The following SNTG1 variants were observed in gnomAD, a reference collection of about 807,000 sequenced individuals.
The protein encoded by SNTG1 is syntrophin gamma 1, also known as gamma-1-syntrophin.
SNTG1 carries 39 observed loss-of-function variants against 74.7 expected under a neutral mutation model. The ratio of observed to expected loss-of-function variants is 0.52; its 90% CI spans 0.40 to 0.68. The LOEUF (loss-of-function observed/expected upper bound fraction) is 0.68. Among genes scored for constraint, SNTG1 ranks in the 30% least tolerant of loss-of-function variants. SNTG1 has a pLI of 0.00. For missense variants in SNTG1, 685 were observed against 609.5 expected (o/e 1.12, Z -1.30); for synonymous variants, 254 against 217.1 (o/e 1.17, Z -1.49).
chr8:50,782,481 T>C (rs1339897344), intron 18 of SNTG1, among the ~76,000 whole-genome samples: 2 of 152,216 alleles, frequency 1.3e-5, no homozygotes, highest in East Asian at 1.9e-4. Context: ...ATACTCTTTC[T>C]TCCAGTTGAT....
chr8:50,019,258 T>G (rs1474134255), intron 1 of SNTG1, among the ~76,000 whole-genome samples: 1 of 152,114 alleles, frequency 6.6e-6, no homozygotes, highest in Non-Finnish European at 1.5e-5. Context: ...CAGAAAAATT[T>G]TCATTGTCTT....
At chr8:50,661,684 A>T (rs767836661) in intron 15 of SNTG1, among the ~76,000 whole-genome samples, 12 of 152,064 alleles carry the variant, frequency 7.9e-5, no homozygotes, top group Non-Finnish European at 1.6e-4. Context: ...TATTTGTCCT[A>T]ATGATGTCTC....
chr8:50,037,895 A>C (rs1479298061), intron 1 of SNTG1, among the ~76,000 whole-genome samples: 1 of 152,234 alleles, frequency 6.6e-6, no homozygotes, highest in Non-Finnish European at 1.5e-5. Flanking sequence ...AATGTTAGCC[A>C]TGAAAGGGAC....
chr8:50,571,955 C>T (rs182924241), intron 12 of SNTG1, among the ~76,000 whole-genome samples: 1 of 152,256 alleles, frequency 6.6e-6, no homozygotes, highest in East Asian at 1.9e-4. Flanking sequence ...CAGAGGTGGT[C>T]ACACACGTCA....
chr8:50,426,446 T>C (rs1185960007), intron 4 of SNTG1, among the ~76,000 whole-genome samples: 1 of 151,838 alleles, frequency 6.6e-6, no homozygotes, highest in Non-Finnish European at 1.5e-5. Flanking sequence ...AACAAAAACA[T>C]TTTAAAAATA....
At chr8:50,688,591 G>A (rs539735610) in intron 15 of SNTG1, among the ~76,000 whole-genome samples, 42 of 152,202 alleles carry the variant, frequency 2.8e-4, no homozygotes, top group African/African-American at 9.6e-4. Context: ...ATTTCTGAGG[G>A]CTCTGTTCTG....
At chr8:50,690,313 T>C (rs1179819678) in intron 15 of SNTG1, among the ~76,000 whole-genome samples, 1 of 152,186 alleles carries the variant, frequency 6.6e-6, no homozygotes. Context: ...TTGCTCTTGC[T>C]TCTCTAGTTC....
rs184389739 is a variant in SNTG1, at chr8:50,161,778, A to G, written c.-102-10783A>G. Among the ~76,000 whole-genome samples the G allele has an allele frequency of 1.7e-3, 265 of 152,346 alleles. 2 individuals are homozygous for G. The highest frequency in any genetic ancestry group is 6.0e-3 in the African/African-American group (249 of 41,582). ...CAGAAAAGAAAAAGAAAAAGAAAAAAAAAGTCACCCAATCAAAACATCCTG... is the reference window on the plus strand; with the variant it reads ...CAGAAAAGAAAAAGAAAAAGAAAAAGAAAGTCACCCAATCAAAACATCCTG... On this transcript the variant is annotated intron_variant, in intron 1 of 18. Coordinates refer to ENST00000642720, the MANE Select transcript of SNTG1 (RefSeq NM_018967.5).
intron 2 of SNTG1, among the ~76,000 whole-genome samples, chr8:50,263,698 A>C (rs1170791992): frequency 1.3e-5 from 2 of 152,240 alleles, no homozygotes; most frequent in Non-Finnish European, 2.9e-5. Flanking sequence ...CTTACAGAGG[A>C]AACACATAAA....
intron 15 of SNTG1, among the ~76,000 whole-genome samples, chr8:50,660,414 GAAA>G (rs1448781102): frequency 2.7e-4 from 2 of 7,298 alleles, no homozygotes; most frequent in Non-Finnish European, 6.1e-4. Flanking sequence ...AGAAAGAAAA[GAAA>G]GAAAGAAAGA....
intron 15 of SNTG1, among the ~76,000 whole-genome samples, chr8:50,703,196 C>T (rs2095431995): frequency 6.6e-6 from 1 of 152,082 alleles, no homozygotes. Flanking sequence ...CAACTTTGGC[C>T]TTTTTTGTAG....
chr8:50,742,267 G>A (rs894378429), intron 17 of SNTG1, among the ~76,000 whole-genome samples: 8 of 151,898 alleles, frequency 5.3e-5, no homozygotes, highest in African/African-American at 7.2e-5. Context: ...TAGACCATGT[G>A]TTAAGACACA....
intron 1 of SNTG1, among the ~76,000 whole-genome samples, chr8:50,142,433 T>C (rs2081695822): frequency 1.3e-5 from 2 of 151,350 alleles, no homozygotes; most frequent in Admixed American, 1.3e-4. Flanking sequence ...AACATAAAAA[T>C]TTTGCTTTTT....
At chr8:50,230,026 T>A (rs992964641) in intron 2 of SNTG1, among the ~76,000 whole-genome samples, 5 of 151,466 alleles carry the variant, frequency 3.3e-5, no homozygotes, top group Admixed American at 3.3e-4. Flanking sequence ...AAAAATATTT[T>A]GACTTAAATG....
chr8:50,788,802 A>G (rs2131860982), intron 18 of SNTG1, among the ~76,000 whole-genome samples: 1 of 151,942 alleles, frequency 6.6e-6, no homozygotes, highest in African/African-American at 2.4e-5. Context: ...TACCAAATCT[A>G]CCCACCTTCC....
At chr8:50,607,345 T>A (rs2094820061) in intron 13 of SNTG1, among the ~76,000 whole-genome samples, 1 of 151,646 alleles carries the variant, frequency 6.6e-6, no homozygotes, top group Admixed American at 6.6e-5. Context: ...TCCTGGAATT[T>A]GATTTATATG....
intron 1 of SNTG1, among the ~76,000 whole-genome samples, chr8:50,138,218 T>C (rs1449406739): frequency 6.6e-6 from 1 of 151,874 alleles, no homozygotes; most frequent in East Asian, 1.9e-4. Context: ...AATTCACACA[T>C]ATGTTTTCCA....
chr8:50,266,864 G>T (rs1228257830), intron 2 of SNTG1, among the ~76,000 whole-genome samples: 1 of 151,912 alleles, frequency 6.6e-6, no homozygotes, highest in Non-Finnish European at 1.5e-5. Flanking sequence ...AAGCATCAGT[G>T]ACTGGAAAAA....
At chr8:50,234,045 T>A (rs2085769076) in intron 2 of SNTG1, among the ~76,000 whole-genome samples, 2 of 151,886 alleles carry the variant, frequency 1.3e-5, no homozygotes, top group African/African-American at 4.8e-5. Flanking sequence ...GTGGTTGTAT[T>A]CCTGGGCATT....
Sources: gnomAD v4.1 joint callset for allele counts (sites outside exome capture counted in the v4.1 genomes callset) on GRCh38, gnomAD v4.1.1 for gene constraint, MANE v1.5 for transcripts, NCBI Gene and HGNC (gene_info 2026-07-23, HGNC 2026-07-21) for gene names.